Variants in PCDHA11 observed in about 807,000 individuals in gnomAD.
PCDHA11 encodes protocadherin alpha 11, also known as protocadherin alpha-11.
Under a neutral mutation model 70.3 loss-of-function variants are expected in PCDHA11, and 61 were observed. The ratio of observed to expected loss-of-function variants is 0.87; its 90% CI spans 0.71 to 1.07. The LOEUF is 1.07. Among genes scored for constraint, PCDHA11 ranks in the 50% least tolerant of loss-of-function variants. PCDHA11 has a pLI of 0.00. For missense variants in PCDHA11, 1,324 were observed against 1,237.5 expected (o/e 1.07, Z -1.05); for synonymous variants, 633 against 555.1 (o/e 1.14, Z -1.97).
chr5:140,900,381 G>A lies in PCDHA11; in HGVS notation c.2391+28887G>A, dbSNP rs149167159. 1.2e-4 allele frequency among the ~76,000 whole-genome samples: 19 copies of A among 152,024 alleles called. 1 individual carries two copies. The East Asian group carries it at 2.1e-3, about 17-fold the overall frequency. ...CAACCTCTGCCTCCTGGGTTCAAGC[G>A]ATTCTCCTGCCTCAGCCTCCCAAGT... is the stretch of plus-strand genomic sequence containing the variant. On this transcript the variant is annotated intron_variant, in intron 1 of 3. Transcript: ENST00000398640.
At chr5:140,895,904 C>CG (rs2065248350) in intron 1 of PCDHA11, among the ~76,000 whole-genome samples, 2 of 152,138 alleles carry the variant, frequency 1.3e-5, no homozygotes, top group Non-Finnish European at 2.9e-5. Flanking sequence ...CTCCGCGTCC[C>CG]GGGCTCAACA....
At chr5:141,001,833 G>GAGACAGAGAGAGAGGTTGATT (rs1554258319) in intron 3 of PCDHA11, among the ~76,000 whole-genome samples, 1 of 151,780 alleles carries the variant, frequency 6.6e-6, no homozygotes, top group East Asian at 1.9e-4. Context: ...GACAGAGAGG[G>GAGACAGAGAGAGAGGTTGATT]AGACAGAGAG....
rs782120132 is a variant in PCDHA11, at chr5:140,884,464, C to T, written c.2391+12970C>T. On this transcript the variant is annotated intron_variant, in intron 1 of 3. Coordinates refer to ENST00000398640, the MANE Select transcript of PCDHA11 (RefSeq NM_018902.5). ...CGGCACCGCCCACCGAGGGCGCGTG[C>T]GCGCCGGGCAAGCCCACTCTAGTGT... 51 of 1,613,768 alleles carry T rather than the reference C, an allele frequency of 3.2e-5. 1 individual carries two copies. In the East Asian group the frequency reaches 9.6e-4, roughly 30 times the overall value.
At chr5:140,958,135 G>T (rs868969031) in intron 1 of PCDHA11, among the ~76,000 whole-genome samples, 3 of 152,036 alleles carry the variant, frequency 2.0e-5, no homozygotes, top group Non-Finnish European at 4.4e-5. Context: ...GTATCAGTGT[G>T]TATATTTATA....
chr5:141,004,500 T>C (rs1481568200), intron 3 of PCDHA11, among the ~76,000 whole-genome samples: 1 of 152,242 alleles, frequency 6.6e-6, no homozygotes, highest in Non-Finnish European at 1.5e-5. Context: ...GCAGTCCTGC[T>C]GTGAGGGGCT....
chr5:140,969,542 C>T, intron 1 of PCDHA11: 1 of 1,279,490 alleles, frequency 7.8e-7, no homozygotes, highest in South Asian at 1.6e-5. Flanking sequence ...TTTTCAGAGG[C>T]ATGAAGCCTT....
intron 3 of PCDHA11, among the ~76,000 whole-genome samples, chr5:141,005,659 G>T (rs963015988): frequency 1.6e-5 from 2 of 123,890 alleles, no homozygotes; most frequent in South Asian, 2.6e-4. Flanking sequence ...TCGAGATCGC[G>T]CCACTGCACT....
chr5:140,909,856 C>T (rs575107041), intron 1 of PCDHA11, among the ~76,000 whole-genome samples: 2 of 152,286 alleles, frequency 1.3e-5, no homozygotes, highest in South Asian at 2.1e-4. Context: ...TTTTCGGTCC[C>T]CTGGAGTCAA....
At chr5:141,003,928 G>A (rs1479798792) in intron 3 of PCDHA11, among the ~76,000 whole-genome samples, 1 of 152,128 alleles carries the variant, frequency 6.6e-6, no homozygotes, top group Non-Finnish European at 1.5e-5. Context: ...CCTCAGTCTT[G>A]TCTTTGCCTG....
At chr5:140,876,672 C>T in intron 1 of PCDHA11, 1 of 1,614,208 alleles carries the variant, frequency 6.2e-7, no homozygotes, top group Non-Finnish European at 8.5e-7. Context: ...TGGTGTCCAC[C>T]TACAAGAATT....
intron 1 of PCDHA11, among the ~76,000 whole-genome samples, chr5:140,973,304 C>G (rs1252823783): frequency 6.6e-6 from 1 of 152,126 alleles, no homozygotes; most frequent in Non-Finnish European, 1.5e-5. Context: ...TCTGATGACT[C>G]TATCCTGGAA....
intron 1 of PCDHA11, among the ~76,000 whole-genome samples, chr5:140,885,040 T>C (rs2060438917): frequency 6.6e-6 from 1 of 152,226 alleles, no homozygotes; most frequent in African/African-American, 2.4e-5. Context: ...AATTTTTAGT[T>C]TAATGTATAC....
At chr5:140,976,528 A>G (rs1238458657) in intron 1 of PCDHA11, among the ~76,000 whole-genome samples, 1 of 152,112 alleles carries the variant, frequency 6.6e-6, no homozygotes, top group East Asian at 1.9e-4. Flanking sequence ...ACCAGCCTAA[A>G]TGACAGAGTA....
chr5:140,939,701 T>C (rs782486336), intron 1 of PCDHA11, among the ~76,000 whole-genome samples: 2 of 152,210 alleles, frequency 1.3e-5, no homozygotes, highest in Non-Finnish European at 2.9e-5. Context: ...GACATTATCA[T>C]TTGTGAGATA....
At chr5:140,916,072 AC>A (rs1445012621) in intron 1 of PCDHA11, among the ~76,000 whole-genome samples, 4 of 152,054 alleles carry the variant, frequency 2.6e-5, no homozygotes, top group Non-Finnish European at 5.9e-5. Flanking sequence ...TGTGGCCAGT[AC>A]TACCACTGGT....
chr5:140,953,851 GC>G (rs1458424600), intron 1 of PCDHA11, among the ~76,000 whole-genome samples: 6 of 152,108 alleles, frequency 3.9e-5, no homozygotes, highest in African/African-American at 1.2e-4. Context: ...GTAAACATGT[GC>G]CATGGTGGTT....
intron 1 of PCDHA11, among the ~76,000 whole-genome samples, chr5:140,953,493 A>G (rs959606912): frequency 8.5e-5 from 13 of 152,108 alleles, no homozygotes; most frequent in Non-Finnish European, 1.5e-5. Flanking sequence ...CACAACCTTG[A>G]TCAGCTATTA....
Position 140,870,819 on chromosome 5 carries a change from G to A in PCDHA11, c.1716G>A (p.Ala572=), listed in dbSNP as rs1365807310. The A allele has an allele frequency of 1.2e-6, 2 of 1,613,712 alleles. No individual in the cohort carries two copies. The highest frequency in any genetic ancestry group is 3.3e-5 in the Admixed American group (2 of 60,022). Residue 572 remains alanine (A), a synonymous_variant, in exon 1 of 4, where the codon GCG becomes GCA. Coordinates refer to ENST00000398640, the MANE Select transcript of PCDHA11 (RefSeq NM_018902.5). ...TGCTGGCGACTCAGGCTGGCAGCGC[G>A]GGAGGCGCAGTTAACAAGCTAGTAC... is the stretch of plus-strand genomic sequence containing the variant. ...PALLATQAGS[A]GGAVNKLVPR... is the part of the protein sequence containing the mutation.
intron 1 of PCDHA11, chr5:140,883,813 C>CA (rs2059834466): frequency 6.2e-7 from 1 of 1,612,382 alleles, no homozygotes; most frequent in Non-Finnish European, 8.5e-7. Context: ...CGGAGAGCGG[C>CA]AAGGTGTACG....
Sources: allele counts gnomAD v4.1 joint callset (sites outside exome capture counted in the v4.1 genomes callset), GRCh38; gene constraint gnomAD v4.1.1; transcripts MANE v1.5; gene names NCBI Gene and HGNC (gene_info 2026-07-23, HGNC 2026-07-21).